Variants in PTPRQ observed in about 807,000 individuals in gnomAD.
The protein encoded by PTPRQ is protein tyrosine phosphatase receptor type Q.
Under a neutral mutation model 246.0 loss-of-function variants are expected in PTPRQ, and 199 were observed. The ratio of observed to expected loss-of-function variants is 0.81; its 90% CI spans 0.72 to 0.91. The LOEUF is 0.91. Ranked by LOEUF, PTPRQ falls within the 40% of genes least tolerant of loss-of-function variation. PTPRQ has a pLI of 0.00. For synonymous variants in PTPRQ, 869 were observed against 853.2 expected (o/e 1.02, Z -0.32); for missense variants, 2,624 against 2,528.4 (o/e 1.04, Z -0.81).
chr12:80,556,519 CA>C (rs1204817327), intron 25 of PTPRQ, among the ~76,000 whole-genome samples: 1 of 152,162 alleles, frequency 6.6e-6, no homozygotes, highest in Non-Finnish European at 1.5e-5. Context: ...ATTTCGTAGA[CA>C]AGTACACTAA....
intron 25 of PTPRQ, among the ~76,000 whole-genome samples, chr12:80,573,353 G>A (rs921239592): frequency 3.9e-5 from 6 of 152,082 alleles, no homozygotes; most frequent in African/African-American, 1.4e-4. Context: ...GCCGGGCATG[G>A]TGGCGGGCGC....
chr12:80,566,179 TA>T (rs913602362), intron 25 of PTPRQ, among the ~76,000 whole-genome samples: 4 of 152,116 alleles, frequency 2.6e-5, no homozygotes, highest in Non-Finnish European at 5.9e-5. Context: ...AAAGATACAT[TA>T]AAAATTAATA....
At chr12:80,526,681 A>C (rs1895695871) in intron 17 of PTPRQ, among the ~76,000 whole-genome samples, 1 of 152,148 alleles carries the variant, frequency 6.6e-6, no homozygotes, top group Non-Finnish European at 1.5e-5. Context: ...TAACAATATT[A>C]TAAATTTGTA....
chr12:80,449,813 G>A (rs1394754424), intron 3 of PTPRQ, among the ~76,000 whole-genome samples: 1 of 152,166 alleles, frequency 6.6e-6, no homozygotes, highest in Non-Finnish European at 1.5e-5. Flanking sequence ...GTAGTGTGAT[G>A]CCTCCAGCTT....
chr12:80,536,954 A>G (rs912335090), intron 19 of PTPRQ, among the ~76,000 whole-genome samples: 1 of 152,186 alleles, frequency 6.6e-6, no homozygotes, highest in Non-Finnish European at 1.5e-5. Context: ...CTCTTTGTCC[A>G]TATCTAAATA....
chr12:80,659,224 C>T (rs760137984), intron 39 of PTPRQ, among the ~76,000 whole-genome samples: 8 of 151,934 alleles, frequency 5.3e-5, no homozygotes, highest in Non-Finnish European at 1.0e-4. Flanking sequence ...ATTATGGTAA[C>T]ATTTTATTCA....
chr12:80,616,770 T>G (rs1016841019), intron 30 of PTPRQ, among the ~76,000 whole-genome samples: 1 of 151,200 alleles, frequency 6.6e-6, no homozygotes, highest in Non-Finnish European at 1.5e-5. Context: ...CTGGCAAGTA[T>G]TTTTTATAGA....
At chr12:80,483,815 A>T (rs1198145233) in intron 8 of PTPRQ, among the ~76,000 whole-genome samples, 2 of 150,990 alleles carry the variant, frequency 1.3e-5, no homozygotes, top group African/African-American at 4.9e-5. Context: ...GCTCCCTCTT[A>T]TGAGTGTGAA....
chr12:80,673,211 T>G lies in PTPRQ; in HGVS notation c.6645T>G (p.His2215Gln). The change falls in exon 43 of 45, where the codon CAT becomes CAG. Residue 2215 changes from histidine to glutamine, a missense_variant. His to Gln is a conservative substitution (Grantham distance 24). Transcript: ENST00000644991. ...GRTGVFIALD[H>Q]LTQHINDHDF... ...CTGGAGTTTTTATTGCTCTGGACCATTTAACACAACATATAAATGACCATG... is the reference window on the plus strand; with the variant it reads ...CTGGAGTTTTTATTGCTCTGGACCAGTTAACACAACATATAAATGACCATG... 4 of 1,551,008 alleles carry G rather than the reference T, an allele frequency of 2.6e-6. No individual in the cohort carries two copies. Among genetic ancestry groups the G allele is most frequent in the Non-Finnish European group, 3.5e-6 (4 of 1,146,484 alleles).
chr12:80,505,485 T>C (rs1894927510), intron 14 of PTPRQ, among the ~76,000 whole-genome samples: 1 of 151,924 alleles, frequency 6.6e-6, no homozygotes, highest in African/African-American at 2.4e-5. Context: ...ATGCATAATG[T>C]ATTCAGTATA....
intron 17 of PTPRQ, among the ~76,000 whole-genome samples, chr12:80,513,934 T>A (rs1895200616): frequency 6.6e-6 from 1 of 152,184 alleles, no homozygotes. Flanking sequence ...CACACCCTGC[T>A]GTAGCTCTGG....
intron 25 of PTPRQ, among the ~76,000 whole-genome samples, chr12:80,580,553 C>A (rs1897401345): frequency 6.6e-6 from 1 of 152,146 alleles, no homozygotes; most frequent in African/African-American, 2.4e-5. Context: ...GCACACAGTT[C>A]ATCAAAGAGA....
intron 39 of PTPRQ, among the ~76,000 whole-genome samples, chr12:80,668,065 A>G (rs1009786239): frequency 2.0e-5 from 3 of 152,020 alleles, no homozygotes; most frequent in Admixed American, 6.6e-5. Flanking sequence ...GTATATTACT[A>G]TTCTCTGACT....
intron 30 of PTPRQ, among the ~76,000 whole-genome samples, chr12:80,618,894 A>G (rs1380824096): frequency 3.3e-5 from 5 of 151,498 alleles, no homozygotes; most frequent in Admixed American, 6.6e-5. Flanking sequence ...GTGCATGACT[A>G]TTTATGTATT....
chr12:80,554,780 T>C (rs1057131499), intron 25 of PTPRQ, among the ~76,000 whole-genome samples: 1 of 152,166 alleles, frequency 6.6e-6, no homozygotes, highest in African/African-American at 2.4e-5. Flanking sequence ...TCGCACTATG[T>C]CACCGAGGCT....
Position 80,674,429 on chromosome 12 carries a change from C to T in PTPRQ, c.6738+1125C>T, listed in dbSNP as rs146997757. Reference sequence around the variant, plus strand: ...CCTATGGACAACTTTTCCTAAACTTCGATGACTGGAGAACTCTTCAACCCT... The same window carrying T: ...CCTATGGACAACTTTTCCTAAACTTTGATGACTGGAGAACTCTTCAACCCT... On this transcript the variant is annotated intron_variant, in intron 43 of 44. Transcript: ENST00000644991. Among the ~76,000 whole-genome samples, 4 of 152,246 alleles carry T rather than the reference C, an allele frequency of 2.6e-5. No homozygotes were observed. In the East Asian group the frequency reaches 7.7e-4, roughly 29 times the overall value.
intron 17 of PTPRQ, among the ~76,000 whole-genome samples, chr12:80,511,595 GGAGGT>G (rs1213646823): frequency 6.6e-6 from 1 of 152,188 alleles, no homozygotes; most frequent in African/African-American, 2.4e-5. Context: ...GTTGGGGGAA[GGAGGT>G]CTACTTTTGA....
chr12:80,522,127 G>T (rs1305236265), intron 17 of PTPRQ, among the ~76,000 whole-genome samples: 1 of 152,122 alleles, frequency 6.6e-6, no homozygotes, highest in South Asian at 2.1e-4. Flanking sequence ...TGAAGCAATT[G>T]TGAATGGGAG....
At chr12:80,617,101 G>T (rs755788373) in intron 30 of PTPRQ, among the ~76,000 whole-genome samples, 1 of 151,188 alleles carries the variant, frequency 6.6e-6, no homozygotes, top group Non-Finnish European at 1.5e-5. Flanking sequence ...GACAGCATTA[G>T]GCTGGGTTTA....
Sources: allele counts gnomAD v4.1 joint callset (sites outside exome capture counted in the v4.1 genomes callset), GRCh38; gene constraint gnomAD v4.1.1; transcripts MANE v1.5; gene names NCBI Gene and HGNC (gene_info 2026-07-23, HGNC 2026-07-21).